SAMD3: variants seen among roughly 807,000 people sequenced by gnomAD.
SAMD3 encodes sterile alpha motif domain-containing protein 3.
A neutral mutation model predicts 58.5 loss-of-function variants in SAMD3; 63 were observed. That is an observed-to-expected ratio of 1.08 (90% CI 0.88 to 1.33). The LOEUF (loss-of-function observed/expected upper bound fraction) is 1.33, where lower values mean the gene tolerates loss of function less well. Ranked by LOEUF, SAMD3 falls within the 40% of genes most tolerant of loss-of-function variation. The pLI is 0.00. For synonymous variants in SAMD3, 220 were observed against 210.3 expected, an observed-to-expected ratio of 1.05 and a Z score of -0.40; for missense variants, 604 against 608.4, an observed-to-expected ratio of 0.99 and a Z score of 0.08.
intron 5 of SAMD3, among the ~76,000 whole-genome samples, chr6:130,208,453 G>A (rs562729744): frequency 2.6e-4 from 40 of 152,264 alleles, no homozygotes; most frequent in African/African-American, 8.2e-4. Context: ...GCGGGTGAGC[G>A]AGCAAGGTTT....
chr6:130,328,219 T>C (rs1776816448), intron 1 of SAMD3, among the ~76,000 whole-genome samples: 1 of 152,184 alleles, frequency 6.6e-6, no homozygotes, highest in Non-Finnish European at 1.5e-5. Context: ...TTGGGACTCA[T>C]GCCCCAATTC....
At chr6:130,355,083 C>T (rs1345290616) in intron 1 of SAMD3, among the ~76,000 whole-genome samples, 1 of 152,116 alleles carries the variant, frequency 6.6e-6, no homozygotes, top group East Asian at 1.9e-4. Flanking sequence ...ACTTTGCATC[C>T]TACATGCCAT....
intron 5 of SAMD3, among the ~76,000 whole-genome samples, chr6:130,201,159 T>C (rs886424677): frequency 4.6e-5 from 7 of 152,220 alleles, no homozygotes; most frequent in African/African-American, 1.4e-4. Flanking sequence ...TCTAGTGTTT[T>C]GATGGGTCTT....
chr6:130,305,527 T>G (rs889234870), intron 2 of SAMD3, among the ~76,000 whole-genome samples: 2 of 152,186 alleles, frequency 1.3e-5, no homozygotes, highest in Admixed American at 1.3e-4. Context: ...TTTAGAAAAA[T>G]GATAGCAATA....
chr6:130,188,516 C>T (rs537072480), intron 5 of SAMD3, among the ~76,000 whole-genome samples: 3 of 152,146 alleles, frequency 2.0e-5, no homozygotes, highest in South Asian at 2.1e-4. Context: ...TTCACTGGTC[C>T]GTGATTGCAT....
At chr6:130,202,499 C>G (rs565329846) in intron 5 of SAMD3, among the ~76,000 whole-genome samples, 1 of 152,228 alleles carries the variant, frequency 6.6e-6, no homozygotes, top group African/African-American at 2.4e-5. Flanking sequence ...GTGTCTCACA[C>G]GTAGTAAGCA....
In SAMD3 at chr6:130,324,796, A is replaced by C. The variant is rs144638835; in HGVS notation, c.-303-11703T>G. On this transcript the variant is annotated intron_variant, in intron 1 of 13. Transcript: ENST00000368134. ...CATTTTTTTTTTTTTGGAATAGAAA[A>C]ATGTTAACTCATTCACAGATCTTGC... is the stretch of plus-strand genomic sequence containing the variant. Among the ~76,000 whole-genome samples, 84 of 152,174 alleles carry C rather than the reference A, an allele frequency of 5.5e-4. 1 individual carries two copies. Among genetic ancestry groups the C allele is most frequent in the African/African-American group, 1.9e-3 (78 of 41,530 alleles).
intron 2 of SAMD3, among the ~76,000 whole-genome samples, chr6:130,262,291 C>A (rs1294165130): frequency 1.3e-5 from 2 of 150,502 alleles, no homozygotes; most frequent in African/African-American, 4.9e-5. Context: ...AACTGCTTTG[C>A]TAACAGAAAA....
intron 2 of SAMD3, among the ~76,000 whole-genome samples, chr6:130,299,677 T>G (rs1224785268): frequency 3.3e-5 from 5 of 152,010 alleles, no homozygotes; most frequent in Non-Finnish European, 7.4e-5. Context: ...AAGAAGTTGG[T>G]TTTTTGAAAG....
intron 1 of SAMD3, among the ~76,000 whole-genome samples, chr6:130,342,780 C>G (rs1234497738): frequency 6.6e-6 from 1 of 152,132 alleles, no homozygotes; most frequent in Non-Finnish European, 1.5e-5. Flanking sequence ...ACCTAAGTAG[C>G]TTTCCTGAAA....
At chr6:130,293,135 C>G (rs776083151) in intron 2 of SAMD3, among the ~76,000 whole-genome samples, 1 of 152,204 alleles carries the variant, frequency 6.6e-6, no homozygotes, top group Non-Finnish European at 1.5e-5. Flanking sequence ...GGGAACTTGA[C>G]AGTTGCATCT....
chr6:130,215,756 ATACT>A (rs759603801), intron 2 of SAMD3: 50 of 1,510,304 alleles, frequency 3.3e-5, no homozygotes, highest in Non-Finnish European at 3.3e-5. Flanking sequence ...CCTGACAGAG[ATACT>A]TAGTAAACTG....
Position 130,352,280 on chromosome 6 carries a change from G to A in SAMD3, c.-304+12840C>T, listed in dbSNP as rs573200425. 5.9e-5 allele frequency among the ~76,000 whole-genome samples: 9 copies of A among 152,160 alleles called. No individual in the cohort carries two copies. The South Asian group carries it at 1.4e-3, about 25-fold the overall frequency. ...TAGAAAGGGGATAAACTCGAGTCAA[G>A]GAGCTATATTAATAAATCAAGATAT... On this transcript the variant is annotated intron_variant, in intron 1 of 13. Transcript: ENST00000368134.
intron 4 of SAMD3, among the ~76,000 whole-genome samples, chr6:130,210,313 C>T (rs1329046854): frequency 6.6e-6 from 1 of 152,096 alleles, no homozygotes; most frequent in African/African-American, 2.4e-5. Flanking sequence ...AAATAACATG[C>T]CAGGCCAGGT....
chr6:130,297,059 A>G (rs919124672), intron 2 of SAMD3, among the ~76,000 whole-genome samples: 9 of 152,348 alleles, frequency 5.9e-5, no homozygotes, highest in Middle Eastern at 3.4e-3. Flanking sequence ...CTTAAGCACC[A>G]TCTATTGGAT....
chr6:130,189,379 A>C (rs1297137558), intron 5 of SAMD3, among the ~76,000 whole-genome samples: 4 of 152,222 alleles, frequency 2.6e-5, no homozygotes, highest in Non-Finnish European at 4.4e-5. Flanking sequence ...GAAATGGAAG[A>C]GGTCAGTGCC....
intron 2 of SAMD3, among the ~76,000 whole-genome samples, chr6:130,251,354 C>G (rs1356109235): frequency 6.6e-6 from 1 of 152,044 alleles, no homozygotes; most frequent in African/African-American, 2.4e-5. Flanking sequence ...TGATAGTGTT[C>G]TTTGAAGCAC....
intron 7 of SAMD3, 71 bp downstream of exon 7, chr6:130,184,032 T>C: frequency 8.4e-7 from 1 of 1,186,258 alleles, no homozygotes; most frequent in South Asian, 1.3e-5. Flanking sequence ...AGCATAAAAT[T>C]ACTGGGCAAC....
chr6:130,332,180 G>A (rs1776954809), intron 1 of SAMD3, among the ~76,000 whole-genome samples: 1 of 152,162 alleles, frequency 6.6e-6, no homozygotes, highest in Admixed American at 6.5e-5. Context: ...GAACATGAAA[G>A]GGAAAGTTAT....
Sources: gnomAD v4.1 joint callset for allele counts (sites outside exome capture counted in the v4.1 genomes callset) on GRCh38, gnomAD v4.1.1 for gene constraint, MANE v1.5 for transcripts, NCBI Gene and HGNC (gene_info 2026-07-23, HGNC 2026-07-21) for gene names.